ADGRL3: variants seen among roughly 807,000 people sequenced by gnomAD.
ADGRL3 encodes calcium-independent alpha-latrotoxin receptor 3.
ADGRL3 carries 62 observed loss-of-function variants against 153.5 expected under a neutral mutation model. The observed-to-expected ratio is 0.40, with a 90% CI of 0.33 to 0.50. The LOEUF is 0.50. Among genes scored for constraint, ADGRL3 ranks in the 20% least tolerant of loss-of-function variants. The pLI is 0.47. For synonymous variants in ADGRL3, 710 were observed against 672.5 expected (o/e 1.06, Z -0.86); for missense variants, 1,641 against 1,859.4 (o/e 0.88, Z 2.16).
chr4:61,974,115 C>T (rs1403439809), intron 17 of ADGRL3, among the ~76,000 whole-genome samples: 1 of 151,912 alleles, frequency 6.6e-6, no homozygotes, highest in Non-Finnish European at 1.5e-5. Flanking sequence ...CTACAGGCAC[C>T]CTCCACCCTG....
chr4:61,526,503 C>A (rs775540963), intron 4 of ADGRL3, among the ~76,000 whole-genome samples: 31 of 151,690 alleles, frequency 2.0e-4, no homozygotes, highest in Non-Finnish European at 3.8e-4. Flanking sequence ...CTTGGCTGGG[C>A]ATGATGGTTC....
At chr4:61,340,293 G>A (rs1295116866) in intron 1 of ADGRL3, among the ~76,000 whole-genome samples, 6 of 152,110 alleles carry the variant, frequency 3.9e-5, no homozygotes, top group African/African-American at 7.2e-5. Context: ...AAAATATCAC[G>A]CTTCTCAGTG....
At chr4:61,305,645 C>T (rs1438187531) in intron 1 of ADGRL3, among the ~76,000 whole-genome samples, 1 of 152,006 alleles carries the variant, frequency 6.6e-6, no homozygotes, top group Admixed American at 6.6e-5. Context: ...GTCGGTCCCC[C>T]AAAAGATAGG....
intron 8 of ADGRL3, among the ~76,000 whole-genome samples, chr4:61,810,973 A>G (rs2097609209): frequency 1.3e-5 from 2 of 152,224 alleles, no homozygotes; most frequent in South Asian, 4.1e-4. Context: ...TATCACCTCA[A>G]AAACAAACAA....
rs537795372 is a variant in ADGRL3 at position 61,451,572 on chromosome 4, A to T, written c.-173-45549A>T. ...AGCAGTCAACATACAAGGCAAAGAGATGAGCAGTATTTTCTAGTATAAATG... is the reference window on the plus strand; with the variant it reads ...AGCAGTCAACATACAAGGCAAAGAGTTGAGCAGTATTTTCTAGTATAAATG... On this transcript the variant is annotated intron_variant, in intron 2 of 26. Coordinates refer to ENST00000683033, the MANE Select transcript of ADGRL3 (RefSeq NM_001387552.1). Among the ~76,000 whole-genome samples, 16 of 152,324 alleles carry T rather than the reference A, an allele frequency of 1.1e-4. No homozygotes were observed. In the South Asian group the frequency reaches 2.7e-3, roughly 26 times the overall value.
intron 15 of ADGRL3, among the ~76,000 whole-genome samples, chr4:61,936,737 AAGT>A (rs1220653989): frequency 2.0e-5 from 3 of 149,402 alleles, no homozygotes; most frequent in Non-Finnish European, 3.0e-5. Context: ...ATCTCCTCTA[AAGT>A]AGACCCCTCT....
Position 61,892,779 on chromosome 4 carries a change from C to G in ADGRL3, c.1604C>G (p.Thr535Ser). 6.2e-7 allele frequency: 1 copy of G among 1,613,920 alleles called. No individual in the cohort carries two copies. The highest frequency in any genetic ancestry group is 8.5e-7 in the Non-Finnish European group (1 of 1,179,874). Reference protein sequence around the residue: ...PSVSGRRNRSTSTPSPAVEVL... With the variant: ...PSVSGRRNRSSSTPSPAVEVL... ...GTGTCAGGAAGAAGAAACCGGAGTA[C>G]TAGTACCCCATCTCCAGCTGTCGAG... is the stretch of plus-strand genomic sequence containing the variant. Residue 535 changes from threonine (T) to serine (S), a missense_variant, in exon 10 of 27, where the codon ACT (threonine) becomes AGT (serine). Physicochemically the swap from Thr to Ser is moderately conservative, Grantham distance 58 (BLOSUM62 1). Coordinates refer to ENST00000683033, the MANE Select transcript of ADGRL3 (RefSeq NM_001387552.1).
chr4:62,062,093 A>T (rs1339870863), intron 25 of ADGRL3, among the ~76,000 whole-genome samples: 2 of 152,034 alleles, frequency 1.3e-5, no homozygotes, highest in Non-Finnish European at 2.9e-5. Flanking sequence ...ATGTATGAAT[A>T]ATCATTTCTC....
intron 1 of ADGRL3, among the ~76,000 whole-genome samples, chr4:61,369,434 C>G (rs2096476059): frequency 6.6e-6 from 1 of 152,048 alleles, no homozygotes; most frequent in Non-Finnish European, 1.5e-5. Flanking sequence ...GAGTTTTTAG[C>G]ATGAAGGGTT....
Position 61,325,251 on chromosome 4 carries a change from G to T in ADGRL3, c.-239-57873G>T, listed in dbSNP as rs573774191. 2.0e-5 allele frequency among the ~76,000 whole-genome samples: 3 copies of T among 152,244 alleles called. No homozygotes were observed. The South Asian group carries it at 6.2e-4, about 32-fold the overall frequency. On this transcript the variant is annotated intron_variant, in intron 1 of 26. Transcript: ENST00000683033. ...CGCTTGAACCAGGGAGTCGGAAGTT[G>T]CAGTGAGCTGAGATCACTCCACTGT... is the stretch of plus-strand genomic sequence containing the variant.
chr4:61,207,517 A>T (rs1737876563), intron 1 of ADGRL3, among the ~76,000 whole-genome samples: 1 of 152,130 alleles, frequency 6.6e-6, no homozygotes, highest in Non-Finnish European at 1.5e-5. Context: ...ATACATGTGC[A>T]TGTGTCTTTA....
intron 6 of ADGRL3, among the ~76,000 whole-genome samples, chr4:61,707,825 A>T (rs1470017243): frequency 6.6e-6 from 1 of 152,074 alleles, no homozygotes; most frequent in Non-Finnish European, 1.5e-5. Context: ...CCCCCTGATG[A>T]TAGGCCCATA....
chr4:61,828,914 C>A (rs1011990727), intron 9 of ADGRL3, among the ~76,000 whole-genome samples: 1 of 152,150 alleles, frequency 6.6e-6, no homozygotes, highest in Admixed American at 6.5e-5. Context: ...AGCTATTTTT[C>A]TTTTTCTCCT....
intron 8 of ADGRL3, among the ~76,000 whole-genome samples, chr4:61,765,023 G>A (rs926839951): frequency 6.6e-6 from 1 of 152,072 alleles, no homozygotes; most frequent in Non-Finnish European, 1.5e-5. Context: ...TCTAAGAATT[G>A]GGACGACTCA....
At chr4:61,704,945 T>G (rs1444984362) in intron 6 of ADGRL3, among the ~76,000 whole-genome samples, 1 of 152,194 alleles carries the variant, frequency 6.6e-6, no homozygotes, top group Non-Finnish European at 1.5e-5. Flanking sequence ...GTTCTCTTTC[T>G]ATTTGCACAA....
At chr4:61,680,722 A>C (rs2095317837) in intron 6 of ADGRL3, among the ~76,000 whole-genome samples, 1 of 152,180 alleles carries the variant, frequency 6.6e-6, no homozygotes, top group South Asian at 2.1e-4. Flanking sequence ...CGACTTTTAA[A>C]GATGTCAATG....
At chr4:61,468,225 C>T (rs2097907342) in intron 2 of ADGRL3, among the ~76,000 whole-genome samples, 1 of 152,120 alleles carries the variant, frequency 6.6e-6, no homozygotes, top group Non-Finnish European at 1.5e-5. Context: ...GTATAGCTGC[C>T]ACAGTCTCTT....
intron 2 of ADGRL3, among the ~76,000 whole-genome samples, chr4:61,495,471 G>GAGGAAGGA (rs145813008): frequency 6.7e-6 from 1 of 150,224 alleles, no homozygotes; most frequent in Non-Finnish European, 1.5e-5. Flanking sequence ...AGGGAGGGAG[G>GAGGAAGGA]AGGAAGGAAG....
chr4:61,575,713 T>C (rs1457625717), intron 4 of ADGRL3, among the ~76,000 whole-genome samples: 1 of 152,044 alleles, frequency 6.6e-6, no homozygotes, highest in Non-Finnish European at 1.5e-5. Flanking sequence ...GTCAGGAATG[T>C]CAGAATATGT....
Sources: gnomAD v4.1 joint callset for allele counts (sites outside exome capture counted in the v4.1 genomes callset) on GRCh38, gnomAD v4.1.1 for gene constraint, MANE v1.5 for transcripts, NCBI Gene and HGNC (gene_info 2026-07-23, HGNC 2026-07-21) for gene names.